Variants in FSD2 observed in about 807,000 individuals in gnomAD.
FSD2 encodes the protein fibronectin type III and SPRY domain containing 2.
FSD2 carries 71 observed loss-of-function variants against 80.4 expected under a neutral mutation model. The ratio of observed to expected loss-of-function variants is 0.88; its 90% CI spans 0.73 to 1.08. The LOEUF (loss-of-function observed/expected upper bound fraction) is 1.08. Among genes scored for constraint, FSD2 ranks in the 50% least tolerant of loss-of-function variants. The pLI, the probability that FSD2 is intolerant of heterozygous loss-of-function variation, is 0.00. For missense variants in FSD2, 923 were observed against 913.8 expected, an observed-to-expected ratio of 1.01 and a Z score of -0.13; for synonymous variants, 361 against 329.5, an observed-to-expected ratio of 1.10 and a Z score of -1.03.
At chr15:82,805,609 A>G (rs1322135363) in intron 1 of FSD2, among the ~76,000 whole-genome samples, 1 of 152,252 alleles carries the variant, frequency 6.6e-6, no homozygotes, top group Non-Finnish European at 1.5e-5. Flanking sequence ...TATTTACAAC[A>G]CAATAGTATA....
chr15:82,775,225 C>T (rs935469660), intron 6 of FSD2, among the ~76,000 whole-genome samples: 3 of 150,998 alleles, frequency 2.0e-5, no homozygotes, highest in African/African-American at 7.3e-5. Flanking sequence ...GGTGAAACCC[C>T]GTGTCTAATA....
Position 82,791,258 on chromosome 15 carries a change from A to G in FSD2, c.-78-3790T>C, listed in dbSNP as rs186223890. On this transcript the variant is annotated intron_variant, in intron 1 of 12. Coordinates refer to ENST00000334574, the MANE Select transcript of FSD2 (RefSeq NM_001007122.4). ...TGTGGTCCGCCCGTCTCGGCCTCCCAAAGTGCTGGGATTACAGGCGTGAGC... is the reference window on the plus strand; with the variant it reads ...TGTGGTCCGCCCGTCTCGGCCTCCCGAAGTGCTGGGATTACAGGCGTGAGC... Among the ~76,000 whole-genome samples, 1,511 of 152,238 alleles carry G rather than the reference A, an allele frequency of 9.9e-3. 21 individuals are homozygous for G. Among genetic ancestry groups the G allele is most frequent in the African/African-American group, 0.033 (1,389 of 41,534 alleles).
At chr15:82,776,208 G>T (rs531141761) in intron 6 of FSD2, among the ~76,000 whole-genome samples, 1 of 152,162 alleles carries the variant, frequency 6.6e-6, no homozygotes, top group African/African-American at 2.4e-5. Flanking sequence ...GATTTCTTGA[G>T]CCCAGGAGTT....
At chr15:82,800,583 T>G (rs1242685962) in intron 1 of FSD2, among the ~76,000 whole-genome samples, 1 of 148,158 alleles carries the variant, frequency 6.7e-6, no homozygotes, top group Non-Finnish European at 1.5e-5. Context: ...TCCCAGCTAC[T>G]CGGGAGGCTG....
chr15:82,800,152 G>A (rs2050375942), intron 1 of FSD2, among the ~76,000 whole-genome samples: 1 of 152,154 alleles, frequency 6.6e-6, no homozygotes, highest in African/African-American at 2.4e-5. Flanking sequence ...TCTGGTCAGA[G>A]ATGACACCTT....
intron 8 of FSD2, among the ~76,000 whole-genome samples, chr15:82,769,287 C>T (rs1405480809): frequency 2.0e-5 from 3 of 152,042 alleles, no homozygotes; most frequent in Non-Finnish European, 4.4e-5. Context: ...CTGTCACTGT[C>T]GGCTGAGTGC....
chr15:82,771,552 G>A (rs2049571081), intron 7 of FSD2, among the ~76,000 whole-genome samples: 1 of 152,256 alleles, frequency 6.6e-6, no homozygotes, highest in South Asian at 2.1e-4. Context: ...GCCCAGAGTG[G>A]AGGCCGGGGG....
intron 1 of FSD2, among the ~76,000 whole-genome samples, chr15:82,791,717 C>G (rs995043314): frequency 6.6e-6 from 1 of 152,134 alleles, no homozygotes; most frequent in East Asian, 1.9e-4. Flanking sequence ...GCACTGTACC[C>G]TTTAGCTATC....
chr15:82,771,312 T>C (rs2049565147), intron 7 of FSD2, among the ~76,000 whole-genome samples: 1 of 152,216 alleles, frequency 6.6e-6, no homozygotes, highest in Admixed American at 6.5e-5. Context: ...GATCTCTAAG[T>C]CTCTTTCCAG....
chr15:82,778,963 T>G, intron 5 of FSD2, 76 bp from the exon 6 acceptor site: 3 of 1,507,546 alleles, frequency 2.0e-6, no homozygotes, highest in Non-Finnish European at 2.7e-6. Flanking sequence ...GCTGAGTCAC[T>G]GTCATAAATG....
chr15:82,793,935 T>G (rs2050203750), intron 1 of FSD2, among the ~76,000 whole-genome samples: 2 of 152,068 alleles, frequency 1.3e-5, no homozygotes, highest in African/African-American at 4.8e-5. Context: ...GCTGATTACT[T>G]CAAATAATCT....
intron 3 of FSD2, among the ~76,000 whole-genome samples, chr15:82,784,626 C>T (rs1241705185): frequency 6.6e-6 from 1 of 152,156 alleles, no homozygotes; most frequent in African/African-American, 2.4e-5. Flanking sequence ...GAAGGGTTTG[C>T]CACTTCTCTG....
chr15:82,796,287 C>T (rs1470507992), intron 1 of FSD2: 2 of 153,898 alleles, frequency 1.3e-5, no homozygotes, highest in Non-Finnish European at 2.9e-5. Flanking sequence ...AGGCGTGAGC[C>T]ACTGCGCCCG....
chr15:82,796,084 C>G (rs868216599), intron 1 of FSD2, among the ~76,000 whole-genome samples: 1 of 150,642 alleles, frequency 6.6e-6, no homozygotes, highest in Non-Finnish European at 1.5e-5. Flanking sequence ...CTCACTCAAC[C>G]ACCGCCTTCT....
chr15:82,762,288 G>C lies in FSD2; in HGVS notation c.1821-10C>G, dbSNP rs1184166347. ...CATGACAGCAACACACCTGGTTTTA[G>C]AAAGTGGAAGCATGTGTGATCTGGG... is the stretch of plus-strand genomic sequence containing the variant. On this transcript the variant is annotated splice_polypyrimidine_tract_variant and intron_variant, in intron 11 of 12. Coordinates refer to ENST00000334574, the MANE Select transcript of FSD2 (RefSeq NM_001007122.4). 2 of 1,612,068 alleles carry C rather than the reference G, an allele frequency of 1.2e-6. No homozygotes were observed. The highest frequency in any genetic ancestry group is 2.7e-5 in the African/African-American group (2 of 75,042).
chr15:82,790,380 CA>C (rs2050112192), intron 1 of FSD2, among the ~76,000 whole-genome samples: 1 of 152,202 alleles, frequency 6.6e-6, no homozygotes, highest in Non-Finnish European at 1.5e-5. Flanking sequence ...CATGGTCTGG[CA>C]GCTCTTCCAG....
chr15:82,797,856 G>A (rs147694133), intron 1 of FSD2, among the ~76,000 whole-genome samples: 9 of 152,070 alleles, frequency 5.9e-5, no homozygotes, highest in African/African-American at 1.4e-4. Context: ...TTTGTAATAT[G>A]TTTATGTTAT....
chr15:82,778,115 A>C (rs1207525971), intron 6 of FSD2, among the ~76,000 whole-genome samples: 1 of 99,372 alleles, frequency 1.0e-5, no homozygotes, highest in Non-Finnish European at 1.9e-5. Context: ...TGAAAAAAAA[A>C]CACAAAAAAA....
intron 6 of FSD2, among the ~76,000 whole-genome samples, chr15:82,775,989 T>C (rs944484351): frequency 6.6e-6 from 1 of 152,162 alleles, no homozygotes; most frequent in Non-Finnish European, 1.5e-5. Flanking sequence ...ACTGTGGTCA[T>C]AAAAGATACT....
Sources: gnomAD v4.1 joint callset for allele counts (sites outside exome capture counted in the v4.1 genomes callset) on GRCh38, gnomAD v4.1.1 for gene constraint, MANE v1.5 for transcripts, NCBI Gene and HGNC (gene_info 2026-07-23, HGNC 2026-07-21) for gene names.